The following WDR27 variants were observed in gnomAD, a reference collection of about 807,000 sequenced individuals.
WDR27 encodes WD repeat domain 27, also known as WD repeat-containing protein 27.
A neutral mutation model predicts 114.4 loss-of-function variants in WDR27; 100 were observed. That is an observed-to-expected ratio of 0.87 (90% CI 0.74 to 1.03). The LOEUF is 1.03. WDR27 is among the 50% of genes least tolerant of loss of function. The pLI is 0.00. For missense variants in WDR27, 1,129 were observed against 1,092.9 expected (o/e 1.03, Z -0.47); for synonymous variants, 449 against 423.1 (o/e 1.06, Z -0.75).
intron 4 of WDR27, chr6:169,669,439 A>ACC (rs1778128441): frequency 6.6e-6 from 1 of 152,120 alleles, no homozygotes; most frequent in South Asian, 2.1e-4. Context: ...CTCCAACCTG[A>ACC]CCCCAGGCTG....
chr6:169,607,428 A>ACACACAC (rs1412375260), intron 22 of WDR27, among the ~76,000 whole-genome samples: 62 of 22,892 alleles, frequency 2.7e-3, no homozygotes, highest in Middle Eastern at 0.2. Context: ...ACACACATAT[A>ACACACAC]ATATAATATT....
intron 25 of WDR27, among the ~76,000 whole-genome samples, chr6:169,500,452 GGA>G (rs1791027740): frequency 6.6e-6 from 1 of 152,160 alleles, no homozygotes; most frequent in South Asian, 2.1e-4. Context: ...CTCTTATCAA[GGA>G]GAGTCACCCA....
intron 22 of WDR27, among the ~76,000 whole-genome samples, chr6:169,603,631 T>G (rs114945435): frequency 2.0e-5 from 3 of 152,320 alleles, no homozygotes; most frequent in African/African-American, 7.2e-5. Context: ...CACGATCATG[T>G]GTTTCTTGTC....
At chr6:169,649,113 T>C (rs1821568664) in intron 15 of WDR27, 85 bp downstream of exon 15, 1 of 1,127,528 alleles carries the variant, frequency 8.9e-7, no homozygotes, top group Admixed American at 2.0e-5. Flanking sequence ...TAAGGTTTTA[T>C]ATCTGTTTGG....
At chr6:169,691,658 T>C (rs1334559939) in intron 1 of WDR27, among the ~76,000 whole-genome samples, 1 of 152,280 alleles carries the variant, frequency 6.6e-6, no homozygotes, top group African/African-American at 2.4e-5. Flanking sequence ...AAACTTTTGT[T>C]GTAGTATAAT....
At chr6:169,673,422 C>T (rs1779272582) in intron 2 of WDR27, among the ~76,000 whole-genome samples, 3 of 151,898 alleles carry the variant, frequency 2.0e-5, no homozygotes, top group Non-Finnish European at 2.9e-5. Context: ...TATACACACA[C>T]ACACACTATA....
chr6:169,637,674 AGTAT>A (rs1219167386), intron 18 of WDR27, among the ~76,000 whole-genome samples: 1 of 150,706 alleles, frequency 6.6e-6, no homozygotes, highest in Non-Finnish European at 1.5e-5. Context: ...ATATGTGGCA[AGTAT>A]GTAAGTGTGT....
chr6:169,578,580 C>A (rs529862044), intron 24 of WDR27, among the ~76,000 whole-genome samples: 32 of 152,282 alleles, frequency 2.1e-4, no homozygotes, highest in Admixed American at 7.2e-4. Flanking sequence ...AGTGCATGGG[C>A]TTGGAAGCCG....
At chr6:169,650,519 A>C (rs2128241934) in intron 14 of WDR27, among the ~76,000 whole-genome samples, 1 of 114,410 alleles carries the variant, frequency 8.7e-6, no homozygotes, top group Admixed American at 9.1e-5. Flanking sequence ...CCATCTACCT[A>C]CTCATCCATC....
chr6:169,698,432 G>A (rs1400753542), intron 1 of WDR27, among the ~76,000 whole-genome samples: 1 of 152,112 alleles, frequency 6.6e-6, no homozygotes, highest in African/African-American at 2.4e-5. Context: ...ATACACACAC[G>A]TGTCCACGTC....
intron 21 of WDR27, among the ~76,000 whole-genome samples, chr6:169,618,880 A>T (rs1048608811): frequency 6.6e-5 from 10 of 152,080 alleles, no homozygotes; most frequent in Middle Eastern, 3.4e-3. Context: ...AAGTTTTTTT[A>T]AAAAAGCTAT....
chr6:169,449,217 T>C, the WDR27 span, among the ~76,000 whole-genome samples: 14 of 152,160 alleles, frequency 9.2e-5, no homozygotes, highest in African/African-American at 3.1e-4. Context: ...GATTACTACA[T>C]TCTGAATGGC....
chr6:169,559,431 G>T (rs1309819561), intron 25 of WDR27: 1 of 152,114 alleles, frequency 6.6e-6, no homozygotes, highest in African/African-American at 2.4e-5. Context: ...ATCTGGAAAT[G>T]ACACACTCTT....
chr6:169,637,045 C>G (rs1817803657), intron 18 of WDR27, among the ~76,000 whole-genome samples: 1 of 152,194 alleles, frequency 6.6e-6, no homozygotes, highest in Admixed American at 6.5e-5. Flanking sequence ...ATCCCAACAT[C>G]TTTGAAAATT....
intron 25 of WDR27, among the ~76,000 whole-genome samples, chr6:169,562,710 G>T (rs190416892): frequency 2.0e-5 from 3 of 152,334 alleles, no homozygotes; most frequent in African/African-American, 7.2e-5. Context: ...AGACCAGTGG[G>T]AGCTGGACGG....
chr6:169,516,853 A>C (rs1335621378), intron 25 of WDR27, among the ~76,000 whole-genome samples: 15 of 139,582 alleles, frequency 1.1e-4, no homozygotes, highest in Non-Finnish European at 1.6e-5. Flanking sequence ...CTTAGCAAAG[A>C]CTGAAAGATG....
At chr6:169,488,335 C>T (rs1283627431) in intron 25 of WDR27, among the ~76,000 whole-genome samples, 3 of 152,194 alleles carry the variant, frequency 2.0e-5, no homozygotes, top group Non-Finnish European at 4.4e-5. Context: ...GGCAAAAGGT[C>T]TGAAATCGTC....
At chr6:169,681,988 G>A (rs1041968196) in intron 2 of WDR27, among the ~76,000 whole-genome samples, 7 of 152,076 alleles carry the variant, frequency 4.6e-5, no homozygotes, top group Admixed American at 2.0e-4. Flanking sequence ...AACTCCTCCT[G>A]TTGAAATCGG....
At chr6:169,514,062 A>G (rs1015137429) in intron 25 of WDR27, among the ~76,000 whole-genome samples, 16 of 152,194 alleles carry the variant, frequency 1.1e-4, no homozygotes, top group Admixed American at 4.6e-4. Flanking sequence ...AAGTCTGGAT[A>G]AGGTTCACGT....
Sources: allele counts gnomAD v4.1 joint callset (sites outside exome capture counted in the v4.1 genomes callset), GRCh38; gene constraint gnomAD v4.1.1; transcripts MANE v1.5; gene names NCBI Gene and HGNC (gene_info 2026-07-23, HGNC 2026-07-21).